Variants in CNTNAP1 observed in about 807,000 individuals in gnomAD.
The protein encoded by CNTNAP1 is contactin associated protein 1, also known as contactin-associated protein 1.
A neutral mutation model predicts 161.5 loss-of-function variants in CNTNAP1; 80 were observed. The observed-to-expected ratio is 0.50, with a 90% CI of 0.41 to 0.60. CNTNAP1 has a LOEUF of 0.60. Among genes scored for constraint, CNTNAP1 ranks in the 20% least tolerant of loss-of-function variants. The pLI, the probability that CNTNAP1 is intolerant of heterozygous loss-of-function variation, is 0.00. For missense variants in CNTNAP1, 1,464 were observed against 1,854.8 expected, an observed-to-expected ratio of 0.79 and a Z score of 3.87; for synonymous variants, 695 against 733.1, an observed-to-expected ratio of 0.95 and a Z score of 0.84.
rs777402787 is a variant in CNTNAP1 at position 42,691,529 on chromosome 17, T to G, written c.2344+18T>G. On this transcript the variant is annotated intron_variant, in intron 15 of 23. Coordinates refer to ENST00000264638, the MANE Select transcript of CNTNAP1 (RefSeq NM_003632.3). This position sits in a 1 kb window ranked among gnomAD's most constrained non-coding sequence, Gnocchi z 4.3. ...TGGCGATCGTGAGTGGCAGTCCCCT[T>G]TTGTGTGCCCTCCCAGAGCTGACTC... 2 of 1,613,374 alleles carry G rather than the reference T, an allele frequency of 1.2e-6. No homozygotes were observed. The highest frequency in any genetic ancestry group is 8.5e-7 in the Non-Finnish European group (1 of 1,179,796).
chr17:42,697,420 T>G, intron 21 of CNTNAP1, 53 bp downstream of exon 21: 1 of 1,609,276 alleles, frequency 6.2e-7, no homozygotes, highest in Non-Finnish European at 8.5e-7. Flanking sequence ...CATATGTTCC[T>G]GGATCCTCAA....
chr17:42,698,927 G>A lies in CNTNAP1; in HGVS notation c.*17G>A. 5 of 1,480,878 alleles carry A rather than the reference G, an allele frequency of 3.4e-6. No individual in the cohort carries two copies. Among genetic ancestry groups the A allele is most frequent in the Non-Finnish European group, 4.5e-6 (5 of 1,121,344 alleles). 91.7% of individuals were successfully genotyped at this position (1,480,878 alleles called of 1,614,324 possible). ...TCTGAATGAGTCAGAAGGGCTTCTGGGACCAATTCCAGCTCCTGACATTCC... is the reference window on the plus strand; with the variant it reads ...TCTGAATGAGTCAGAAGGGCTTCTGAGACCAATTCCAGCTCCTGACATTCC... On this transcript the variant is annotated 3_prime_UTR_variant, in exon 24 of 24. Coordinates refer to ENST00000264638, the MANE Select transcript of CNTNAP1 (RefSeq NM_003632.3).
intron 23 of CNTNAP1, 71 bp downstream of exon 23, chr17:42,698,021 C>A (rs1057390610): frequency 1.3e-6 from 2 of 1,559,348 alleles, no homozygotes; most frequent in African/African-American, 2.7e-5. Context: ...TTCCCTGCCC[C>A]TGATCCCCAA....
Position 42,697,535 on chromosome 17 carries a change from G to A in CNTNAP1, c.3569-19G>A. ...CCTTTGGGTCCAAGTCCCTCTTTCTGGGCCTGCCTCTCTCTCAGAGACAGG... is the reference window on the plus strand; with the variant it reads ...CCTTTGGGTCCAAGTCCCTCTTTCTAGGCCTGCCTCTCTCTCAGAGACAGG... On this transcript the variant is annotated intron_variant, in intron 21 of 23. Transcript: ENST00000264638. 1.9e-6 allele frequency: 3 copies of A among 1,613,432 alleles called. No individual in the cohort carries two copies. Among genetic ancestry groups the A allele is most frequent in the Non-Finnish European group, 2.5e-6 (3 of 1,179,530 alleles).
chr17:42,694,250 C>T (rs1243524856), intron 18 of CNTNAP1, among the ~76,000 whole-genome samples: 1 of 151,816 alleles, frequency 6.6e-6, no homozygotes, highest in Non-Finnish European at 1.5e-5. Flanking sequence ...CGGCTCACTG[C>T]AACCTCCACC....
intron 16 of CNTNAP1, 137 bp downstream of exon 16, chr17:42,692,128 C>A: frequency 1.1e-6 from 1 of 922,884 alleles, no homozygotes; most frequent in Non-Finnish European, 1.6e-6. Flanking sequence ...ACCCTATGTT[C>A]TAGCCCTCAC....
Position 42,685,553 on chromosome 17 carries a change from C to G in CNTNAP1, c.715+133C>G. The G allele has an allele frequency of 2.4e-6, 2 of 831,926 alleles. No individual in the cohort carries two copies. Among genetic ancestry groups the G allele is most frequent in the East Asian group, 5.3e-5 (2 of 37,432 alleles). 51.5% of individuals were successfully genotyped at this position (831,926 alleles called of 1,614,324 possible). On this transcript the variant is annotated intron_variant, in intron 5 of 23. Coordinates refer to ENST00000264638, the MANE Select transcript of CNTNAP1 (RefSeq NM_003632.3). The surrounding 1 kb of genome is among the most constrained non-coding windows in gnomAD (Gnocchi z 5.0). The stretch of plus-strand genomic sequence containing the variant: ...CTCTAAGGCCTGGACCAAACTGCCC[C>G]TTTCTTGTAGCATTTGGTGCTAGCA...
chr17:42,687,870 C>G lies in CNTNAP1; in HGVS notation c.1195C>G (p.Leu399Val). The change falls in exon 8 of 24, where the codon CTT becomes GTT. Residue 399 changes from leucine to valine, a missense_variant. Leu to Val is a conservative substitution (Grantham distance 32). Coordinates refer to ENST00000264638, the MANE Select transcript of CNTNAP1 (RefSeq NM_003632.3). The surrounding 1 kb of genome is among the most constrained non-coding windows in gnomAD (Gnocchi z 4.7). ...FRTWDLTGLL[L>V]FSRLGDGLGH... ...CACCTGGGACCTCACCGGGCTTCTCCTTTTCTCCCGTCTGGGGGACGGGCT... is the reference window on the plus strand; with the variant it reads ...CACCTGGGACCTCACCGGGCTTCTCGTTTTCTCCCGTCTGGGGGACGGGCT... 6.2e-7 allele frequency: 1 copy of G among 1,614,254 alleles called. No individual in the cohort carries two copies. Among genetic ancestry groups the G allele is most frequent in the Non-Finnish European group, 8.5e-7 (1 of 1,180,060 alleles).
At chr17:42,694,870 G>C (rs1294565269) in intron 18 of CNTNAP1, among the ~76,000 whole-genome samples, 1 of 152,168 alleles carries the variant, frequency 6.6e-6, no homozygotes, top group Non-Finnish European at 1.5e-5. Flanking sequence ...TTACTGGTGG[G>C]AGGAGTGTGG....
Position 42,696,082 on chromosome 17 carries a change from C to T in CNTNAP1, c.3404C>T (p.Thr1135Ile), listed in dbSNP as rs762752914. 3.1e-6 allele frequency: 5 copies of T among 1,614,184 alleles called. No individual in the cohort carries two copies. The highest frequency in any genetic ancestry group is 3.4e-6 in the Non-Finnish European group (4 of 1,180,036). Residue 1135 changes from threonine to isoleucine, a missense_variant, in exon 20 of 24, where the codon ACT becomes ATT. Physicochemically the swap from Thr to Ile is moderately conservative, Grantham distance 89. Transcript: ENST00000264638. ...GTSPYVYQLTTRPVTDGQPHS... is the reference protein window; with the variant it reads ...GTSPYVYQLTIRPVTDGQPHS... ...AGTCCCTACGTGTACCAGCTAACCA[C>T]TCGACCAGTGACCGATGGCCAGCCC... is the stretch of plus-strand genomic sequence containing the variant.
Position 42,688,544 on chromosome 17 carries a change from G to A in CNTNAP1, c.1389G>A (p.Val463=). ...ENHAVISIDD[V]EGAEVRVSYP... ...ATGCAGTTATCAGCATTGATGATGT[G>A]GAAGGGGCAGAGGTCAGGGTCTCAT... Residue 463 remains valine, a synonymous_variant, in exon 9 of 24, where the codon GTG becomes GTA. Coordinates refer to ENST00000264638, the MANE Select transcript of CNTNAP1 (RefSeq NM_003632.3). 6.2e-7 allele frequency: 1 copy of A among 1,614,204 alleles called. No individual in the cohort carries two copies. The highest frequency in any genetic ancestry group is 2.2e-5 in the East Asian group (1 of 44,880).
At chr17:42,693,253 C>A (rs2053113579) in intron 17 of CNTNAP1, 44 bp from the exon 18 acceptor site, 1 of 1,608,996 alleles carries the variant, frequency 6.2e-7, no homozygotes, top group African/African-American at 1.3e-5. Context: ...GCCACCGCGC[C>A]TGGCCCTGCC....
At position 42,685,476 on chromosome 17, in the gene CNTNAP1, C is replaced by G; in HGVS notation, c.715+56C>G. 1 of 1,516,730 alleles carries G rather than the reference C, an allele frequency of 6.6e-7. No individual in the cohort carries two copies. The highest frequency in any genetic ancestry group is 1.8e-5 in the Admixed American group (1 of 54,198). 94.0% of individuals were successfully genotyped at this position (1,516,730 alleles called of 1,614,324 possible). A position where few individuals can be genotyped will look rare whatever the true frequency, so the allele number is the denominator to read the frequency against. On this transcript the variant is annotated intron_variant, in intron 5 of 23. Coordinates refer to ENST00000264638, the MANE Select transcript of CNTNAP1 (RefSeq NM_003632.3). The surrounding 1 kb of genome is among the most constrained non-coding windows in gnomAD (Gnocchi z 5.0). The stretch of plus-strand genomic sequence containing the variant: ...CCAACCCCTGAAGCTCTCTCACCGC[C>G]CTCCTCGTGGCACCTCCTCCGCGCA...
rs962359827 is a variant in CNTNAP1, at chr17:42,687,331, G to A, written c.1044+285G>A. ...TTGTCCAGGGGTCGTGCAGCTGCAC[G>A]GTGGCTGAGTAGGGACTTGAACCGA... On this transcript the variant is annotated intron_variant, in intron 7 of 23. Transcript: ENST00000264638. The surrounding 1 kb of genome is among the most constrained non-coding windows in gnomAD (Gnocchi z 4.7). The A allele has an allele frequency of 2.0e-6, 1 of 504,544 alleles. No individual in the cohort carries two copies. 31.3% of individuals were successfully genotyped at this position (504,544 alleles called of 1,614,324 possible). A position where few individuals can be genotyped will look rare whatever the true frequency, so the allele number is the denominator to read the frequency against.
At position 42,691,253 on chromosome 17, in the gene CNTNAP1, C is replaced by T; in HGVS notation, c.2176C>T (p.Pro726Ser). 6.2e-7 allele frequency: 1 copy of T among 1,614,172 alleles called. No individual in the cohort carries two copies. The highest frequency in any genetic ancestry group is 8.5e-7 in the Non-Finnish European group (1 of 1,180,026). Residue 726 changes from proline to serine, a missense_variant, in exon 14 of 24, where the codon CCT (proline) becomes TCT (serine). Physicochemically the swap from Pro to Ser is moderately conservative, Grantham distance 74 (BLOSUM62 -1). Coordinates refer to ENST00000264638, the MANE Select transcript of CNTNAP1 (RefSeq NM_003632.3). This position sits in a 1 kb window ranked among gnomAD's most constrained non-coding sequence, Gnocchi z 4.3. ...ACGLDRSCVD[P>S]ALYCNCDADQ... is the part of the protein sequence containing the mutation. ...TGGTCTGGACCGGAGCTGTGTGGAC[C>T]CTGCCTTGTACTGCAACTGTGACGC...
At chr17:42,695,961 C>A (rs1055644754) in intron 19 of CNTNAP1, 64 bp from the exon 20 acceptor site, 1 of 1,602,174 alleles carries the variant, frequency 6.2e-7, no homozygotes, top group Non-Finnish European at 8.5e-7. Context: ...CAAGGACCCA[C>A]GTGCTGTTAG....
rs768204081 is a variant in CNTNAP1, at chr17:42,688,524, G to A, written c.1369G>A (p.Val457Ile). 3.1e-6 allele frequency: 5 copies of A among 1,614,102 alleles called. No homozygotes were observed. Among genetic ancestry groups the A allele is most frequent in the Non-Finnish European group, 4.2e-6 (5 of 1,180,050 alleles). Residue 457 changes from valine (V) to isoleucine (I), a missense_variant, in exon 9 of 24, where the codon GTT becomes ATT. Physicochemically the swap from Val to Ile is conservative, Grantham distance 29. Around this residue, in one of 3 missense-constraint regions of CNTNAP1, gnomAD observed 1,383 missense variants for 1,765.0 expected, o/e 0.78. Transcript: ENST00000264638. ...TTTTGTGGCACAGGAAAACCATGCAGTTATCAGCATTGATGATGTGGAAGG... is the reference window on the plus strand; with the variant it reads ...TTTTGTGGCACAGGAAAACCATGCAATTATCAGCATTGATGATGTGGAAGG... ...VNFVAQENHA[V>I]ISIDDVEGAE...
At chr17:42,690,701 C>T (rs762463807) in intron 12 of CNTNAP1, 38 bp from the exon 13 acceptor site, 5 of 1,596,840 alleles carry the variant, frequency 3.1e-6, no homozygotes, top group Non-Finnish European at 4.3e-6. Context: ...AGAGAATGCC[C>T]AACTCCAGCC....
chr17:42,684,912 G>A (rs2052984130), intron 3 of CNTNAP1, 79 bp from the exon 4 acceptor site: 3 of 1,498,726 alleles, frequency 2.0e-6, no homozygotes, highest in East Asian at 2.4e-5. Flanking sequence ...GCGACAGAGC[G>A]AGACTCTGTC....
Sources: gnomAD v4.1 joint callset for allele counts (sites outside exome capture counted in the v4.1 genomes callset) on GRCh38, gnomAD v4.1.1 for gene constraint, gnomAD v4.1.1 regional missense constraint, Gnocchi (gnomAD v3.1) non-coding constraint, MANE v1.5 for transcripts, NCBI Gene and HGNC (gene_info 2026-07-23, HGNC 2026-07-21) for gene names.